The following UBA2 variants were observed in gnomAD, a reference collection of about 807,000 sequenced individuals.
UBA2 encodes SUMO-activating enzyme subunit 2.
UBA2 carries 11 observed loss-of-function variants against 77.2 expected under a neutral mutation model. That is an observed-to-expected ratio of 0.14 (90% CI 0.09 to 0.24). UBA2 has a LOEUF of 0.24. UBA2 is among the 10% of genes least tolerant of loss of function. The pLI, the probability that UBA2 is intolerant of heterozygous loss-of-function variation, is 1.00. For missense variants in UBA2, 487 were observed against 781.7 expected (o/e 0.62, Z 4.50); for synonymous variants, 278 against 276.7 (o/e 1.00, Z -0.05).
At chr19:34,437,737 T>G (rs550066528) in intron 5 of UBA2, among the ~76,000 whole-genome samples, 1 of 152,206 alleles carries the variant, frequency 6.6e-6, no homozygotes, top group South Asian at 2.1e-4. Flanking sequence ...TTCCTTAAAT[T>G]GTAATTTTAA....
At chr19:34,428,673 C>A in intron 1 of UBA2, 103 bp downstream of exon 1, 1 of 1,214,118 alleles carries the variant, frequency 8.2e-7, no homozygotes, top group Non-Finnish European at 1.0e-6. Flanking sequence ...GCCCGGAGCC[C>A]GGGACCGGAG....
In UBA2 at chr19:34,463,533, C is replaced by T. The variant is rs115287110; in HGVS notation, c.1499-493C>T. 5.9e-3 allele frequency among the ~76,000 whole-genome samples: 895 copies of T among 152,188 alleles called. 9 individuals carry two copies. The highest frequency in any genetic ancestry group is 0.021 in the African/African-American group (866 of 41,534). Reference sequence around the variant, plus strand: ...TTTCTGTTGTGTCACATAGCCTTTCCTCTAGGGGTGCACATCCCTGATGTC... The same window carrying T: ...TTTCTGTTGTGTCACATAGCCTTTCTTCTAGGGGTGCACATCCCTGATGTC... On this transcript the variant is annotated intron_variant, in intron 14 of 16. Coordinates refer to ENST00000246548, the MANE Select transcript of UBA2 (RefSeq NM_005499.3).
intron 12 of UBA2, among the ~76,000 whole-genome samples, chr19:34,458,558 C>CAAAA (rs60349858): frequency 7.1e-4 from 43 of 60,636 alleles, no homozygotes; most frequent in African/African-American, 2.1e-3. Context: ...GACTCCGTCT[C>CAAAA]AAAAAAAAAA....
At chr19:34,443,704 T>C (rs1312635327) in intron 6 of UBA2, 140 bp from the exon 7 acceptor site, 3 of 567,986 alleles carry the variant, frequency 5.3e-6, no homozygotes, top group Non-Finnish European at 3.1e-6. Context: ...CCTCCCAAAA[T>C]GTTGGGATTA....
intron 16 of UBA2, among the ~76,000 whole-genome samples, chr19:34,468,664 A>G (rs1252058161): frequency 6.6e-6 from 1 of 152,202 alleles, no homozygotes; most frequent in Non-Finnish European, 1.5e-5. Context: ...TGTCATATGC[A>G]CAGTGCTCAG....
chr19:34,438,637 C>T lies in UBA2; in HGVS notation c.460-8C>T. On this transcript the variant is annotated splice_polypyrimidine_tract_variant and splice_region_variant and intron_variant, in intron 5 of 16. Transcript: ENST00000246548. ...GGAGTAAATTTTTCTCATATCCTGA[C>T]TTCATAGGGTGTGACCGAGTGTTAT... The T allele has an allele frequency of 6.2e-7, 1 of 1,613,480 alleles. No homozygotes were observed. The highest frequency in any genetic ancestry group is 8.5e-7 in the Non-Finnish European group (1 of 1,179,824).
intron 6 of UBA2, among the ~76,000 whole-genome samples, chr19:34,441,539 G>C (rs538466627): frequency 6.6e-6 from 1 of 151,846 alleles, no homozygotes; most frequent in Non-Finnish European, 1.5e-5. Context: ...CCCGATAAAG[G>C]GTATTTTGTA....
intron 16 of UBA2, 43 bp from the exon 17 acceptor site, chr19:34,468,997 C>T (rs913891295): frequency 2.6e-6 from 4 of 1,531,360 alleles, no homozygotes; most frequent in African/African-American, 2.8e-5. Flanking sequence ...AGGTAACTCC[C>T]ACGCTTTTAC....
chr19:34,445,325 A>G (rs922308244), intron 8 of UBA2, among the ~76,000 whole-genome samples: 1 of 152,200 alleles, frequency 6.6e-6, no homozygotes. Context: ...TATCAGTATA[A>G]CATCTAAATA....
intron 6 of UBA2, among the ~76,000 whole-genome samples, chr19:34,442,632 T>C (rs2145513720): frequency 1.3e-5 from 2 of 152,334 alleles, no homozygotes; most frequent in Admixed American, 1.3e-4. Flanking sequence ...GGTTTCACCT[T>C]GTTGGCCAGG....
chr19:34,459,022 A>G (rs1399935141), intron 13 of UBA2, 98 bp downstream of exon 13: 2 of 1,280,590 alleles, frequency 1.6e-6, no homozygotes, highest in East Asian at 2.5e-5. Flanking sequence ...GTCCAACTGC[A>G]GAGATGTGTG....
intron 7 of UBA2, among the ~76,000 whole-genome samples, chr19:34,444,599 G>T (rs939159480): frequency 3.3e-5 from 5 of 152,174 alleles, no homozygotes; most frequent in African/African-American, 1.2e-4. Flanking sequence ...ATGAGGTCAG[G>T]AGTTTGAGAC....
At chr19:34,436,621 C>T (rs939391232) in intron 5 of UBA2, among the ~76,000 whole-genome samples, 2 of 152,146 alleles carry the variant, frequency 1.3e-5, no homozygotes, top group African/African-American at 4.8e-5. Context: ...TTTAAAACCT[C>T]AACACGGCTT....
At chr19:34,457,177 AAAAT>A (rs1428646734) in intron 12 of UBA2, among the ~76,000 whole-genome samples, 7 of 68,506 alleles carry the variant, frequency 1.0e-4, no homozygotes, top group Admixed American at 1.3e-4. Context: ...AAAAAAAAAA[AAAAT>A]ATATATATAT....
intron 12 of UBA2, among the ~76,000 whole-genome samples, chr19:34,456,627 A>C (rs982553988): frequency 1.3e-5 from 2 of 150,884 alleles, no homozygotes. Flanking sequence ...GCGCGATCTC[A>C]GCTCACTGCA....
At chr19:34,447,788 C>G (rs567806796) in intron 8 of UBA2, among the ~76,000 whole-genome samples, 3 of 152,220 alleles carry the variant, frequency 2.0e-5, no homozygotes, top group African/African-American at 7.2e-5. Flanking sequence ...GACTCATCTC[C>G]TGGCCTGCAT....
chr19:34,451,648 C>T (rs142249000), intron 9 of UBA2, among the ~76,000 whole-genome samples: 1,551 of 147,892 alleles, frequency 0.01, 19 homozygotes, highest in African/African-American at 0.035. Context: ...CCCGGGTTCG[C>T]GCCATTCTCC....
chr19:34,452,663 T>C (rs1385291589), intron 10 of UBA2, among the ~76,000 whole-genome samples: 4 of 152,346 alleles, frequency 2.6e-5, no homozygotes, highest in South Asian at 4.1e-4. Flanking sequence ...AGATTTGATA[T>C]TATGAACTAA....
At chr19:34,450,081 G>A (rs1364006515) in intron 8 of UBA2, among the ~76,000 whole-genome samples, 184 bp from the exon 9 acceptor site, 1 of 152,190 alleles carries the variant, frequency 6.6e-6, no homozygotes, top group Non-Finnish European at 1.5e-5. Flanking sequence ...TGTTTTCAAT[G>A]TAGAGATTCT....
Sources: allele counts gnomAD v4.1 joint callset (sites outside exome capture counted in the v4.1 genomes callset), GRCh38; gene constraint gnomAD v4.1.1; transcripts MANE v1.5; gene names NCBI Gene and HGNC (gene_info 2026-07-23, HGNC 2026-07-21).